The following CSMD3 variants were observed in gnomAD, a reference collection of about 807,000 sequenced individuals.
CSMD3 encodes CUB and sushi domain-containing protein 3.
Under a neutral mutation model 435.2 loss-of-function variants are expected in CSMD3, and 177 were observed. The observed-to-expected ratio is 0.41, with a 90% CI of 0.36 to 0.46. The LOEUF (loss-of-function observed/expected upper bound fraction) is 0.46, where lower values mean the gene tolerates loss of function less well. Ranked by LOEUF, CSMD3 falls within the 20% of genes least tolerant of loss-of-function variation. The probability of loss-of-function intolerance (pLI) is 0.34; values close to 1 mark genes in which losing one functional copy is unlikely to be tolerated. For missense variants in CSMD3, 4,265 were observed against 4,504.6 expected, an observed-to-expected ratio of 0.95 and a Z score of 1.52; for synonymous variants, 1,656 against 1,520.5, an observed-to-expected ratio of 1.09 and a Z score of -2.07.
At chr8:112,331,037 A>G (rs1446291997) in intron 45 of CSMD3, among the ~76,000 whole-genome samples, 2 of 152,036 alleles carry the variant, frequency 1.3e-5, no homozygotes, top group African/African-American at 2.4e-5. Flanking sequence ...AGATAATAAT[A>G]CTTACCTTAT....
intron 4 of CSMD3, among the ~76,000 whole-genome samples, chr8:113,155,592 G>C (rs1286859416): frequency 6.6e-6 from 1 of 152,004 alleles, no homozygotes; most frequent in African/African-American, 2.4e-5. Context: ...AGAACAAAAG[G>C]GGGATTGAAG....
At chr8:112,916,971 A>G (rs2082590686) in intron 10 of CSMD3, among the ~76,000 whole-genome samples, 1 of 151,960 alleles carries the variant, frequency 6.6e-6, no homozygotes, top group Admixed American at 6.6e-5. Context: ...CTTTTAATAA[A>G]CATGAGTTAG....
At chr8:112,860,140 C>T (rs535288126) in intron 10 of CSMD3, among the ~76,000 whole-genome samples, 1 of 151,874 alleles carries the variant, frequency 6.6e-6, no homozygotes, top group Admixed American at 6.6e-5. Context: ...AGTCATGCTT[C>T]TAGTATACAG....
intron 4 of CSMD3, among the ~76,000 whole-genome samples, chr8:113,112,815 T>C (rs943096267): frequency 6.6e-6 from 1 of 152,082 alleles, no homozygotes; most frequent in Non-Finnish European, 1.5e-5. Flanking sequence ...TTTGTTTTGT[T>C]TCTGAGCCAA....
chr8:112,800,846 A>G (rs2132333015), intron 12 of CSMD3, among the ~76,000 whole-genome samples: 1 of 152,196 alleles, frequency 6.6e-6, no homozygotes, highest in Admixed American at 6.6e-5. Context: ...CTGATGCAGC[A>G]TAACTGTATC....
chr8:112,365,681 A>T (rs750177678), intron 38 of CSMD3, among the ~76,000 whole-genome samples: 3 of 152,132 alleles, frequency 2.0e-5, no homozygotes, highest in Non-Finnish European at 4.4e-5. Flanking sequence ...AAATTCATTG[A>T]TGCTTTACAA....
intron 35 of CSMD3, among the ~76,000 whole-genome samples, chr8:112,392,305 G>A (rs1830484268): frequency 9.7e-6 from 1 of 103,504 alleles, no homozygotes; most frequent in Non-Finnish European, 2.0e-5. Context: ...AAAAACCAGG[G>A]CAATTACTCA....
intron 10 of CSMD3, among the ~76,000 whole-genome samples, chr8:112,870,495 C>G (rs10955636): frequency 6.6e-6 from 1 of 151,246 alleles, no homozygotes; most frequent in Non-Finnish European, 1.5e-5. Context: ...CCAGGATGGT[C>G]TCGATCTTCT....
chr8:112,770,536 A>C (rs2078086936), intron 13 of CSMD3, among the ~76,000 whole-genome samples: 1 of 152,020 alleles, frequency 6.6e-6, no homozygotes, highest in Non-Finnish European at 1.5e-5. Context: ...ACAACAGTAC[A>C]GAACGGACTA....
chr8:112,301,939 G>T lies in CSMD3; in HGVS notation c.8294C>A (p.Pro2765His). The change falls in exon 53 of 71, where the codon CCT becomes CAT. Residue 2765 changes from proline to histidine, a missense_variant. This residue lies in a region of CSMD3 where 3,255 missense variants were observed against 3,380.2 expected (regional missense o/e 0.96). Transcript: ENST00000297405. ...AGTTCCAATCTTATTTCCATTTGGA[G>T]GTGTAGGTAGTTCTCCACAGGAAAT... ...QIISCGELPT[P>H]PNGNKIGTQT... The T allele has an allele frequency of 6.2e-7, 1 of 1,610,810 alleles. No individual in the cohort carries two copies. The highest frequency in any genetic ancestry group is 1.1e-5 in the South Asian group (1 of 90,982).
chr8:112,679,283 A>G (rs947331020), intron 16 of CSMD3, among the ~76,000 whole-genome samples: 6 of 152,140 alleles, frequency 3.9e-5, no homozygotes, highest in Non-Finnish European at 7.4e-5. Context: ...TGTTGGGTGG[A>G]AACTGGCTCA....
chr8:113,375,869 A>G (rs184330831), intron 1 of CSMD3, among the ~76,000 whole-genome samples: 148 of 152,346 alleles, frequency 9.7e-4, no homozygotes, highest in African/African-American at 3.3e-3. Flanking sequence ...TTACTTAAAG[A>G]AAACTTAAAA....
chr8:113,313,868 T>C (rs1348176870), intron 2 of CSMD3: 2 of 152,282 alleles, frequency 1.3e-5, no homozygotes, highest in East Asian at 3.9e-4. Flanking sequence ...AGTTGAATTA[T>C]AGTTGATTTA....
chr8:112,813,049 A>G (rs996968235), intron 12 of CSMD3, among the ~76,000 whole-genome samples: 3 of 152,212 alleles, frequency 2.0e-5, no homozygotes, highest in Admixed American at 6.5e-5. Context: ...CGACCAGGAA[A>G]GATTGGGCTC....
At chr8:113,268,715 A>C (rs2093493202) in intron 3 of CSMD3, among the ~76,000 whole-genome samples, 1 of 152,080 alleles carries the variant, frequency 6.6e-6, no homozygotes, top group East Asian at 1.9e-4. Context: ...TTCATCTCTG[A>C]AGATCCCAGA....
At chr8:112,254,737 T>C (rs1191708416) in intron 62 of CSMD3, among the ~76,000 whole-genome samples, 2 of 152,088 alleles carry the variant, frequency 1.3e-5, no homozygotes, top group Non-Finnish European at 2.9e-5. Flanking sequence ...AAACAGGACT[T>C]GATAATTTGG....
At chr8:113,264,900 T>A (rs1280678209) in intron 3 of CSMD3, among the ~76,000 whole-genome samples, 6 of 151,584 alleles carry the variant, frequency 4.0e-5, no homozygotes, top group Non-Finnish European at 8.9e-5. Flanking sequence ...CTAATCAATT[T>A]TTTTGTTAGA....
At chr8:112,527,701 A>T (rs989786951) in intron 27 of CSMD3, among the ~76,000 whole-genome samples, 1 of 152,048 alleles carries the variant, frequency 6.6e-6, no homozygotes, top group Non-Finnish European at 1.5e-5. Context: ...ATTTAAAACT[A>T]ATAAAATATT....
chr8:112,305,094 G>T (rs1218487938), intron 51 of CSMD3, among the ~76,000 whole-genome samples, 179 bp from the exon 52 acceptor site: 1 of 151,942 alleles, frequency 6.6e-6, no homozygotes, highest in Non-Finnish European at 1.5e-5. Context: ...ATATGGTATT[G>T]CTGGCAGTCT....
Sources: gnomAD v4.1 joint callset for allele counts (sites outside exome capture counted in the v4.1 genomes callset) on GRCh38, gnomAD v4.1.1 for gene constraint, gnomAD v4.1.1 regional missense constraint, MANE v1.5 for transcripts, NCBI Gene and HGNC (gene_info 2026-07-23, HGNC 2026-07-21) for gene names.